C11orf65: variants seen among roughly 807,000 people sequenced by gnomAD.
The protein encoded by C11orf65 is protein MFI.
In C11orf65, 38 loss-of-function variants were observed where a neutral mutation model predicts 35.3. The observed-to-expected ratio is 1.08, with a 90% CI of 0.83 to 1.41. C11orf65 has a LOEUF of 1.41. Among genes scored for constraint, C11orf65 ranks in the 40% most tolerant of loss-of-function variants. The pLI is 0.00. For synonymous variants in C11orf65, 105 were observed against 114.4 expected, an observed-to-expected ratio of 0.92 and a Z score of 0.53; for missense variants, 370 against 367.1, an observed-to-expected ratio of 1.01 and a Z score of -0.06.
chr11:108,413,618 C>A (rs575934981), intron 3 of C11orf65, among the ~76,000 whole-genome samples: 3 of 152,092 alleles, frequency 2.0e-5, no homozygotes, highest in Non-Finnish European at 4.4e-5. Flanking sequence ...TTAGAGGAAG[C>A]GCTTTCAACT....
intron 6 of C11orf65, among the ~76,000 whole-genome samples, chr11:108,309,926 C>T (rs2084000522): frequency 6.6e-6 from 1 of 151,932 alleles, no homozygotes; most frequent in Non-Finnish European, 1.5e-5. Flanking sequence ...CAGGTTTTAT[C>T]AGATTCTCTG....
At chr11:108,344,509 A>T (rs921202289) in intron 2 of C11orf65, among the ~76,000 whole-genome samples, 10 of 152,190 alleles carry the variant, frequency 6.6e-5, no homozygotes, top group Admixed American at 2.0e-4. Context: ...TATAGGCCTC[A>T]TAAGACCCTA....
chr11:108,359,869 A>T (rs1223981367), intron 2 of C11orf65, among the ~76,000 whole-genome samples: 2 of 152,164 alleles, frequency 1.3e-5, no homozygotes, highest in South Asian at 2.1e-4. Context: ...TGACACCCTA[A>T]CATCACAATT....
chr11:108,338,782 A>G (rs1296532697), intron 2 of C11orf65, among the ~76,000 whole-genome samples: 1 of 152,238 alleles, frequency 6.6e-6, no homozygotes, highest in Non-Finnish European at 1.5e-5. Flanking sequence ...AATTACGACA[A>G]TAAGCCAGTA....
intron 6 of C11orf65, among the ~76,000 whole-genome samples, chr11:108,400,541 C>T (rs1303638535): frequency 6.6e-6 from 1 of 152,178 alleles, no homozygotes; most frequent in African/African-American, 2.4e-5. Context: ...TGTGAAAATA[C>T]AGACTGCTTC....
intron 6 of C11orf65, among the ~76,000 whole-genome samples, chr11:108,402,842 C>A (rs2092463182): frequency 2.0e-5 from 3 of 152,022 alleles, no homozygotes; most frequent in Admixed American, 2.0e-4. Flanking sequence ...AGTATGTATT[C>A]TTTTTTGATA....
chr11:108,317,391 C>G lies in C11orf65; in HGVS notation c.641-8320G>C, dbSNP rs767406075. 6.8e-6 allele frequency: 11 copies of G among 1,611,840 alleles called. No individual in the cohort carries two copies. Among genetic ancestry groups the G allele is most frequent in the Non-Finnish European group, 7.6e-6 (9 of 1,178,880 alleles). On this transcript the variant is annotated intron_variant, in intron 6 of 6. Coordinates refer to the C11orf65 transcript ENST00000525729. ...TGTTTAGGCCTTGCAGAATTTGGGA[C>G]TCTGCCATATTCTTTCCGTCTATTT...
At chr11:108,464,354 T>C (rs1215330898) in intron 1 of C11orf65, among the ~76,000 whole-genome samples, 1 of 148,360 alleles carries the variant, frequency 6.7e-6, no homozygotes, top group African/African-American at 2.4e-5. Context: ...TGGAATGCAG[T>C]GGAGCGATTT....
At chr11:108,422,857 G>A (rs2092839399) in intron 3 of C11orf65, among the ~76,000 whole-genome samples, 1 of 151,428 alleles carries the variant, frequency 6.6e-6, no homozygotes, top group Non-Finnish European at 1.5e-5. Flanking sequence ...ACTCCAGCCT[G>A]GGCGACAGAG....
At chr11:108,345,137 G>GA (rs2088162287) in intron 2 of C11orf65, among the ~76,000 whole-genome samples, 1 of 152,170 alleles carries the variant, frequency 6.6e-6, no homozygotes, top group African/African-American at 2.4e-5. Context: ...TGCCAGAGAT[G>GA]AAGTATTTGA....
intron 6 of C11orf65, among the ~76,000 whole-genome samples, chr11:108,323,556 G>A (rs1273971908): frequency 1.3e-5 from 2 of 152,056 alleles, no homozygotes; most frequent in Non-Finnish European, 2.9e-5. Flanking sequence ...AGAAGATTTG[G>A]AATGTTTCCA....
chr11:108,396,609 A>G (rs973990990), intron 6 of C11orf65, among the ~76,000 whole-genome samples: 15 of 151,468 alleles, frequency 9.9e-5, no homozygotes, highest in African/African-American at 3.4e-4. Flanking sequence ...AGGCGGGCGG[A>G]TCACGAGGTC....
At chr11:108,436,426 A>T (rs190427499) in intron 2 of C11orf65, among the ~76,000 whole-genome samples, 23 of 152,348 alleles carry the variant, frequency 1.5e-4, no homozygotes, top group Non-Finnish European at 2.6e-4. Flanking sequence ...ATGGTTCAGC[A>T]AAAAGAGGAA....
At chr11:108,323,974 T>C (rs1464660955) in intron 6 of C11orf65, among the ~76,000 whole-genome samples, 3 of 152,222 alleles carry the variant, frequency 2.0e-5, no homozygotes, top group African/African-American at 7.2e-5. Flanking sequence ...AGTTTTGTTT[T>C]GTTTTGGGAA....
chr11:108,313,631 C>T (rs972690525), intron 6 of C11orf65, among the ~76,000 whole-genome samples: 5 of 152,166 alleles, frequency 3.3e-5, no homozygotes, highest in Admixed American at 1.3e-4. Flanking sequence ...TTCATAGGCT[C>T]CTCCTCTCTA....
chr11:108,318,430 C>A (rs1451750944), intron 6 of C11orf65, among the ~76,000 whole-genome samples: 2 of 152,088 alleles, frequency 1.3e-5, no homozygotes, highest in Non-Finnish European at 2.9e-5. Context: ...GTGGCTCACA[C>A]CTGTAATCCC....
At chr11:108,435,269 T>C (rs145407396) in intron 2 of C11orf65, among the ~76,000 whole-genome samples, 2 of 151,934 alleles carry the variant, frequency 1.3e-5, no homozygotes, top group East Asian at 1.9e-4. Flanking sequence ...AATGTTAAAA[T>C]GGAAACTGAT....
chr11:108,337,036 G>A (rs1038263340), intron 2 of C11orf65, among the ~76,000 whole-genome samples: 1 of 152,056 alleles, frequency 6.6e-6, no homozygotes, highest in African/African-American at 2.4e-5. Flanking sequence ...CACTATGAAC[G>A]TGTTTTATTT....
chr11:108,317,609 G>C, intron 6 of C11orf65: 1 of 469,904 alleles, frequency 2.1e-6, no homozygotes, highest in Non-Finnish European at 3.5e-6. Flanking sequence ...TATAACAGGA[G>C]TTGTTTTATA....
Sources: allele counts gnomAD v4.1 joint callset (sites outside exome capture counted in the v4.1 genomes callset), GRCh38; gene constraint gnomAD v4.1.1; transcripts MANE v1.5; gene names NCBI Gene and HGNC (gene_info 2026-07-23, HGNC 2026-07-21).